The following FAT3 variants were observed in gnomAD, a reference collection of about 807,000 sequenced individuals.
The protein encoded by FAT3 is protocadherin Fat 3.
In FAT3, 95 loss-of-function variants were observed where a neutral mutation model predicts 310.2. That is an observed-to-expected ratio of 0.31 (90% CI 0.26 to 0.36). The LOEUF (loss-of-function observed/expected upper bound fraction) is 0.36. FAT3 is among the 10% of genes least tolerant of loss of function. FAT3 has a pLI of 1.00. For synonymous variants in FAT3, 2,314 were observed against 2,192.9 expected (o/e 1.06, Z -1.54); for missense variants, 5,408 against 5,715.6 (o/e 0.95, Z 1.74).
At chr11:92,360,520 C>T (rs1271953743) in intron 2 of FAT3, among the ~76,000 whole-genome samples, 2 of 152,184 alleles carry the variant, frequency 1.3e-5, no homozygotes, top group African/African-American at 4.8e-5. Context: ...TTTGACTACT[C>T]AGAGGTTTTA....
At chr11:92,512,990 C>T (rs1446400512) in intron 2 of FAT3, among the ~76,000 whole-genome samples, 1 of 98,844 alleles carries the variant, frequency 1.0e-5, no homozygotes, top group Admixed American at 1.1e-4. Flanking sequence ...GGCGTGGTAG[C>T]GGGCGCCTGT....
At chr11:92,523,786 G>GTGA (rs1315208117) in intron 2 of FAT3, among the ~76,000 whole-genome samples, 3 of 152,166 alleles carry the variant, frequency 2.0e-5, no homozygotes, top group Non-Finnish European at 4.4e-5. Flanking sequence ...CTGCAGCCTA[G>GTGA]TGATTGGGTA....
At chr11:92,646,398 A>C (rs570443236) in intron 3 of FAT3, among the ~76,000 whole-genome samples, 1 of 152,334 alleles carries the variant, frequency 6.6e-6, no homozygotes, top group East Asian at 1.9e-4. Context: ...TTGCCATGAC[A>C]TTACTTCTAC....
intron 2 of FAT3, 123 bp from the exon 3 acceptor site, chr11:92,524,511 T>C (rs1953786172): frequency 2.5e-6 from 2 of 789,306 alleles, no homozygotes; most frequent in South Asian, 3.9e-5. Flanking sequence ...TTTAACCTTA[T>C]GTTATGGATT....
intron 1 of FAT3, among the ~76,000 whole-genome samples, chr11:92,239,829 T>C (rs1864600299): frequency 1.3e-5 from 2 of 152,088 alleles, no homozygotes; most frequent in African/African-American, 4.8e-5. Context: ...AGTCTTTGAA[T>C]CACAATTACC....
intron 3 of FAT3, among the ~76,000 whole-genome samples, chr11:92,584,104 GTT>G (rs1938997549): frequency 6.6e-6 from 1 of 151,990 alleles, no homozygotes; most frequent in African/African-American, 2.4e-5. Flanking sequence ...ACCTTTCTGT[GTT>G]TTTGAGAAGA....
intron 3 of FAT3, among the ~76,000 whole-genome samples, chr11:92,534,585 G>A (rs1488573215): frequency 6.6e-6 from 1 of 152,162 alleles, no homozygotes; most frequent in Non-Finnish European, 1.5e-5. Flanking sequence ...ATTTGGTAAG[G>A]AAGATCTTTG....
At chr11:92,625,840 ACTG>A (rs1334948271) in intron 3 of FAT3, among the ~76,000 whole-genome samples, 1 of 151,962 alleles carries the variant, frequency 6.6e-6, no homozygotes, top group African/African-American at 2.4e-5. Flanking sequence ...ACTTTGAAAC[ACTG>A]GGTCCTATTG....
chr11:92,480,398 GAAACA>G (rs1256959115), intron 2 of FAT3, among the ~76,000 whole-genome samples: 1 of 152,164 alleles, frequency 6.6e-6, no homozygotes, highest in Non-Finnish European at 1.5e-5. Context: ...AATTATGGAA[GAAACA>G]TATACCAGAG....
At chr11:92,886,336 T>TGC (rs1949796516) in intron 24 of FAT3, among the ~76,000 whole-genome samples, 1 of 151,776 alleles carries the variant, frequency 6.6e-6, no homozygotes, top group Non-Finnish European at 1.5e-5. Flanking sequence ...CTGGTGTGTG[T>TGC]GTGTGTGTGT....
In FAT3 at chr11:92,335,943, T is replaced by G. The variant is rs1205630277; in HGVS notation, c.-17-16153T>G. ...TATGCATTGACTCCTATGGATTTTT[T>G]TTTCAGACTTTCAGCCCCTTTAATT... is the stretch of plus-strand genomic sequence containing the variant. On this transcript the variant is annotated intron_variant, in intron 1 of 27. Coordinates refer to ENST00000525166, the MANE Select transcript of FAT3 (RefSeq NM_001367949.2). The G allele has an allele frequency of 1.4e-5, 5 of 361,218 alleles. No individual in the cohort carries two copies. The Admixed American group carries it at 1.9e-4, about 14-fold the overall frequency. 22.4% of individuals were successfully genotyped at this position (361,218 alleles called of 1,614,324 possible).
chr11:92,534,923 T>G (rs975641963), intron 3 of FAT3, among the ~76,000 whole-genome samples: 10 of 152,118 alleles, frequency 6.6e-5, no homozygotes, highest in African/African-American at 2.2e-4. Flanking sequence ...AATGGACAGT[T>G]GTGTAGAAGT....
In FAT3 at chr11:92,512,988, A is replaced by G. The variant is rs1193490289; in HGVS notation, c.3293-11646A>G. ...ATACAAAAAATTAGCCGGGCGTGGT[A>G]GCGGGCGCCTGTAGTCCCAGCTACT... On this transcript the variant is annotated intron_variant, in intron 2 of 27. Transcript: ENST00000525166. Among the ~76,000 whole-genome samples the G allele has an allele frequency of 1.6e-4, 15 of 91,714 alleles. 5 individuals are homozygous for G. The highest frequency in any genetic ancestry group is 3.6e-4 in the Admixed American group (3 of 8,358). 60.2% of individuals were successfully genotyped at this position (91,714 alleles called of 152,430 possible). A position where few individuals can be genotyped will look rare whatever the true frequency, so the allele number is the denominator to read the frequency against.
Position 92,800,336 on chromosome 11 carries a change from C to T in FAT3, c.7323C>T (p.Ser2441=). 6.2e-7 allele frequency: 1 copy of T among 1,613,958 alleles called. No homozygotes were observed. The highest frequency in any genetic ancestry group is 8.5e-7 in the Non-Finnish European group (1 of 1,179,874). ...YSILSGNDRT[S]FLMDSKSGVI... Reference sequence around the variant, plus strand: ...TTTTATCTGGGAATGACCGGACGAGCTTTCTGATGGACAGCAAGAGTGGAG... The same window carrying T: ...TTTTATCTGGGAATGACCGGACGAGTTTTCTGATGGACAGCAAGAGTGGAG... The change falls in exon 10 of 28, where the codon AGC becomes AGT. Residue 2441 remains serine, a synonymous_variant. Transcript: ENST00000525166.
chr11:92,259,433 G>T (rs1442034208), intron 1 of FAT3, among the ~76,000 whole-genome samples: 1 of 151,938 alleles, frequency 6.6e-6, no homozygotes, highest in Non-Finnish European at 1.5e-5. Context: ...ACATACATTG[G>T]CCATGTTTAT....
At position 92,888,785 on chromosome 11, in the gene FAT3, A is replaced by G. The variant is rs376818012; in HGVS notation, c.13052-404A>G. ...TGGTTCAGAGCAGCATGACTGACCA[A>G]CAAATAATTATCCCCGGAAATAGTG... On this transcript the variant is annotated intron_variant, in intron 25 of 27. Transcript: ENST00000525166. 3.5e-4 allele frequency among the ~76,000 whole-genome samples: 54 copies of G among 152,316 alleles called. 1 individual carries two copies. The highest frequency in any genetic ancestry group is 1.1e-3 in the African/African-American group (46 of 41,572).
intron 8 of FAT3, 42 bp from the exon 9 acceptor site, chr11:92,792,725 T>C (rs761486883): frequency 5.7e-6 from 9 of 1,591,820 alleles, no homozygotes; most frequent in Non-Finnish European, 7.7e-6. Flanking sequence ...TTCTTTGCAA[T>C]TTAAAATTTG....
chr11:92,553,675 C>CCTTCCTTCCTTCCTTCCTTCCTT (rs1954898483), intron 3 of FAT3, among the ~76,000 whole-genome samples: 24 of 108,360 alleles, frequency 2.2e-4, no homozygotes, highest in African/African-American at 5.1e-4. Flanking sequence ...GAATCTCCGT[C>CCTTCCTTCCTTCCTTCCTTCCTT]CCTTCCTTCC....
intron 21 of FAT3, among the ~76,000 whole-genome samples, chr11:92,859,556 G>T (rs1249666722): frequency 6.6e-6 from 1 of 152,158 alleles, no homozygotes; most frequent in East Asian, 1.9e-4. Context: ...TTGAGAGCGG[G>T]TTCAAGGGCT....
Sources: allele counts gnomAD v4.1 joint callset (sites outside exome capture counted in the v4.1 genomes callset), GRCh38; gene constraint gnomAD v4.1.1; transcripts MANE v1.5; gene names NCBI Gene and HGNC (gene_info 2026-07-23, HGNC 2026-07-21).